Variants in TMEM161B observed in about 807,000 individuals in gnomAD.
TMEM161B encodes the protein transmembrane protein 161B.
In TMEM161B, 34 loss-of-function variants were observed where a neutral mutation model predicts 61.8. That is an observed-to-expected ratio of 0.55 (90% CI 0.42 to 0.73). The LOEUF (loss-of-function observed/expected upper bound fraction) is 0.73. TMEM161B is among the 30% of genes least tolerant of loss of function. The probability of loss-of-function intolerance (pLI) is 0.00; values close to 1 mark genes in which losing one functional copy is unlikely to be tolerated. For missense variants in TMEM161B, 456 were observed against 558.5 expected (o/e 0.82, Z 1.85); for synonymous variants, 167 against 192.8 (o/e 0.87, Z 1.11).
At chr5:88,253,037 GA>G (rs151193305) in intron 1 of TMEM161B, among the ~76,000 whole-genome samples, 1,745 of 152,226 alleles carry the variant, frequency 0.011, 31 homozygotes, top group African/African-American at 0.039. Flanking sequence ...ATGAAAGTCT[GA>G]TGAAATATAC....
intron 5 of TMEM161B, among the ~76,000 whole-genome samples, chr5:88,216,740 C>T (rs915341239): frequency 3.9e-5 from 6 of 152,060 alleles, no homozygotes; most frequent in East Asian, 1.9e-4. Context: ...CCACAGTCTC[C>T]GGTTAAATAT....
At chr5:88,238,846 C>T in intron 2 of TMEM161B, among the ~76,000 whole-genome samples, 1 of 151,716 alleles carries the variant, frequency 6.6e-6, no homozygotes, top group East Asian at 1.9e-4. Flanking sequence ...CAGGACTTAA[C>T]ATTAAAAAAG....
In TMEM161B at chr5:88,195,152, T is replaced by A; in HGVS notation, c.*1059A>T. 1.0e-6 allele frequency: 1 copy of A among 985,282 alleles called. No homozygotes were observed. The highest frequency in any genetic ancestry group is 5.2e-4 in the Middle Eastern group (1 of 1,912). The allele number at this position is 985,282 out of a possible 1,614,324, so 61.0% of individuals were successfully genotyped here. ...TTTGGGAGAAACCATTAAGCGTCCA[T>A]AAAACTTTAAATACACTCACACATA... On this transcript the variant is annotated 3_prime_UTR_variant, in exon 12 of 12. Transcript: ENST00000296595.
At chr5:88,190,091 T>C, downstream of TMEM161B, 1 of 700,770 alleles carries the variant, frequency 1.4e-6, no homozygotes, top group Non-Finnish European at 2.6e-6. Context: ...CTTTCTCAGT[T>C]CGTGTTGGAT....
At chr5:88,246,138 C>T (rs1753587406) in intron 1 of TMEM161B, among the ~76,000 whole-genome samples, 1 of 151,758 alleles carries the variant, frequency 6.6e-6, no homozygotes, top group South Asian at 2.1e-4. Flanking sequence ...TGCCATTTCC[C>T]TCTTCTTAAA....
intron 1 of TMEM161B, among the ~76,000 whole-genome samples, chr5:88,241,420 A>G (rs2112659600): frequency 6.6e-6 from 1 of 151,990 alleles, no homozygotes; most frequent in East Asian, 1.9e-4. Flanking sequence ...TAGTATACAC[A>G]TCTATAATCT....
In TMEM161B at chr5:88,256,883, G is replaced by A. The variant is rs115461882; in HGVS notation, c.3+11838C>T. Among the ~76,000 whole-genome samples, 614 of 152,290 alleles carry A rather than the reference G, an allele frequency of 4.0e-3. 5 individuals are homozygous for A. Among genetic ancestry groups the A allele is most frequent in the Middle Eastern group, 0.014 (4 of 294 alleles). ...AAAATTATTCACTTTAAGAGTAAAA[G>A]ACAATATATTGTGCTTTCTCCTTTC... On this transcript the variant is annotated intron_variant, in intron 1 of 11. Coordinates refer to ENST00000296595, the MANE Select transcript of TMEM161B (RefSeq NM_153354.5).
intron 1 of TMEM161B, among the ~76,000 whole-genome samples, chr5:88,243,924 C>T (rs1753169634): frequency 6.6e-6 from 1 of 151,624 alleles, no homozygotes; most frequent in South Asian, 2.1e-4. Context: ...TGTTCCTTGC[C>T]CACTTTTTTT....
chr5:88,188,416 GTCT>G (rs1040821753), downstream of TMEM161B, among the ~76,000 whole-genome samples: 1 of 151,232 alleles, frequency 6.6e-6, no homozygotes, highest in Non-Finnish European at 1.5e-5. Context: ...GTGCCTGGTC[GTCT>G]TTTTGATCAT....
chr5:88,197,700 C>T lies in TMEM161B; in HGVS notation c.1155G>A (p.Leu385=), dbSNP rs117748236. ...TTTTCAAAAGCAGAGTTGTGTGAAG[C>T]AGCATTACCAGAGGCGCCACATACT... ...ALQYVAPLVM[L]LHTTLLLKTL... Residue 385 remains leucine (L), a synonymous_variant, in exon 11 of 12, where the codon CTG becomes CTA. Transcript: ENST00000296595. 1.2e-6 allele frequency: 2 copies of T among 1,612,852 alleles called. No individual in the cohort carries two copies. Among genetic ancestry groups the T allele is most frequent in the East Asian group, 2.2e-5 (1 of 44,816 alleles).
At position 88,266,968 on chromosome 5, in the gene TMEM161B, G is replaced by A. The variant is rs75022810; in HGVS notation, c.3+1753C>T. ...AAACATTAACCATCTCTTTTGAACC[G>A]ACAGGATAAGCAGGATTCTACTTCT... On this transcript the variant is annotated intron_variant, in intron 1 of 11. Transcript: ENST00000296595. 6.3e-3 allele frequency among the ~76,000 whole-genome samples: 963 copies of A among 152,230 alleles called. 7 individuals carry two copies. The highest frequency in any genetic ancestry group is 9.4e-3 in the Non-Finnish European group (641 of 68,006).
chr5:88,264,339 C>A (rs557032447), intron 1 of TMEM161B, among the ~76,000 whole-genome samples: 1 of 152,116 alleles, frequency 6.6e-6, no homozygotes, highest in African/African-American at 2.4e-5. Flanking sequence ...AAAAGCTCAT[C>A]GTCATTGGTC....
intron 5 of TMEM161B, among the ~76,000 whole-genome samples, chr5:88,215,919 C>A (rs1328025950): frequency 2.6e-5 from 4 of 152,186 alleles, no homozygotes; most frequent in African/African-American, 9.7e-5. Context: ...TGTATTCCCA[C>A]ATATGTGTAA....
chr5:88,228,323 G>T (rs887296819), intron 3 of TMEM161B, 122 bp downstream of exon 3: 2 of 714,610 alleles, frequency 2.8e-6, no homozygotes, highest in Non-Finnish European at 4.5e-6. Flanking sequence ...CATGGGTTTT[G>T]ATCTCAAATT....
intron 5 of TMEM161B, among the ~76,000 whole-genome samples, chr5:88,210,889 C>T (rs1746580496): frequency 6.6e-6 from 1 of 152,266 alleles, no homozygotes; most frequent in East Asian, 1.9e-4. Flanking sequence ...AATCCTCAGA[C>T]ATTAAAAAAG....
chr5:88,203,061 A>G lies in TMEM161B; in HGVS notation c.815T>C (p.Ile272Thr). Residue 272 changes from isoleucine (I) to threonine (T), a missense_variant, in exon 9 of 12, where the codon ATC becomes ACC. Around this residue, in one of 3 missense-constraint regions of TMEM161B, gnomAD observed 367 missense variants for 427.3 expected, o/e 0.86. Coordinates refer to ENST00000296595, the MANE Select transcript of TMEM161B (RefSeq NM_153354.5). Reference sequence around the variant, plus strand: ...CATAAATAAAGGTGCCAAGAAGTTGATATGAAGTAAAGTTCTGAAAGTACG... The same window carrying G: ...CATAAATAAAGGTGCCAAGAAGTTGGTATGAAGTAAAGTTCTGAAAGTACG... ...TEKITQTLLH[I>T]NFLAPLFMVL... is the part of the protein sequence containing the mutation. 6.3e-7 allele frequency: 1 copy of G among 1,596,010 alleles called. No individual in the cohort carries two copies. The highest frequency in any genetic ancestry group is 2.2e-5 in the East Asian group (1 of 44,642).
chr5:88,267,501 C>T (rs1756546024), intron 1 of TMEM161B, among the ~76,000 whole-genome samples: 1 of 151,814 alleles, frequency 6.6e-6, no homozygotes. Context: ...AATATTTGGC[C>T]CTGAAAATAT....
chr5:88,194,958 A>C (rs551591385), downstream of TMEM161B: 1 of 171,078 alleles, frequency 5.8e-6, no homozygotes, highest in Non-Finnish European at 1.2e-5. Context: ...TTTCCCTTGA[A>C]TGTTTCATTC....
At chr5:88,211,915 A>G (rs762880360) in intron 5 of TMEM161B, among the ~76,000 whole-genome samples, 1 of 152,124 alleles carries the variant, frequency 6.6e-6, no homozygotes, top group African/African-American at 2.4e-5. Flanking sequence ...AATCAAAGAA[A>G]TTTTCTAAAC....
Sources: allele counts gnomAD v4.1 joint callset (sites outside exome capture counted in the v4.1 genomes callset), GRCh38; gene constraint gnomAD v4.1.1; regional missense constraint gnomAD v4.1.1; transcripts MANE v1.5; gene names NCBI Gene and HGNC (gene_info 2026-07-23, HGNC 2026-07-21).